Variants in PTPRO observed in about 807,000 individuals in gnomAD.
PTPRO encodes receptor-type tyrosine-protein phosphatase O.
PTPRO carries 62 observed loss-of-function variants against 145.2 expected under a neutral mutation model. The ratio of observed to expected loss-of-function variants is 0.43; its 90% CI spans 0.35 to 0.53. The LOEUF (loss-of-function observed/expected upper bound fraction) is 0.53. Ranked by LOEUF, PTPRO falls within the 20% of genes least tolerant of loss-of-function variation. The probability of loss-of-function intolerance (pLI) is 0.01; values close to 1 mark genes in which losing one functional copy is unlikely to be tolerated. For missense variants in PTPRO, 1,345 were observed against 1,482.7 expected (o/e 0.91, Z 1.53); for synonymous variants, 565 against 514.7 (o/e 1.10, Z -1.32).
At chr12:15,571,623 C>T (rs1944052328) in intron 19 of PTPRO, among the ~76,000 whole-genome samples, 1 of 152,214 alleles carries the variant, frequency 6.6e-6, no homozygotes, top group Admixed American at 6.5e-5. Flanking sequence ...CCAACAACAA[C>T]CCTTGAGCAC....
At position 15,503,894 on chromosome 12, in the gene PTPRO, T is replaced by A. The variant is rs541164942; in HGVS notation, c.1106-14T>A. 6.4e-5 allele frequency: 100 copies of A among 1,552,706 alleles called. No individual in the cohort carries two copies. The South Asian group carries it at 9.9e-4, about 15-fold the overall frequency. On this transcript the variant is annotated splice_polypyrimidine_tract_variant and intron_variant, in intron 5 of 26. Transcript: ENST00000281171. ...GTCTATTCATGTATCTTCTCTTTTTTATATATGATTTAGAGAACTTTACTG... is the reference window on the plus strand; with the variant it reads ...GTCTATTCATGTATCTTCTCTTTTTAATATATGATTTAGAGAACTTTACTG...
chr12:15,585,031 TTCAGC>T (rs1378337495), intron 23 of PTPRO, among the ~76,000 whole-genome samples: 12 of 152,224 alleles, frequency 7.9e-5, no homozygotes, highest in African/African-American at 2.9e-4. Flanking sequence ...TGCCCTGCTA[TTCAGC>T]TCACAGGGCT....
chr12:15,514,530 T>C (rs1331790537), intron 7 of PTPRO, among the ~76,000 whole-genome samples: 1 of 151,492 alleles, frequency 6.6e-6, no homozygotes, highest in African/African-American at 2.4e-5. Context: ...CAATATTATT[T>C]TAGGGGGCTA....
intron 1 of PTPRO, among the ~76,000 whole-genome samples, chr12:15,401,583 A>G (rs1410031434): frequency 6.6e-6 from 1 of 152,222 alleles, no homozygotes; most frequent in Non-Finnish European, 1.5e-5. Context: ...ACAACCAAGA[A>G]TGACAAATTT....
intron 1 of PTPRO, among the ~76,000 whole-genome samples, chr12:15,401,352 G>T (rs1403367369): frequency 6.6e-6 from 1 of 152,136 alleles, no homozygotes; most frequent in Admixed American, 6.5e-5. Flanking sequence ...TATTTTAATT[G>T]ACAGCTGTAC....
chr12:15,393,790 C>G (rs1939259678), intron 1 of PTPRO, among the ~76,000 whole-genome samples: 1 of 152,036 alleles, frequency 6.6e-6, no homozygotes, highest in South Asian at 2.1e-4. Context: ...TGACTGAATA[C>G]CTGGGACTGG....
chr12:15,463,640 C>T (rs1591834160), intron 1 of PTPRO, among the ~76,000 whole-genome samples: 1 of 152,080 alleles, frequency 6.6e-6, no homozygotes, highest in South Asian at 2.1e-4. Flanking sequence ...TACTCTTATT[C>T]CCAATTTACA....
chr12:15,397,060 C>A (rs1363593545), intron 1 of PTPRO, among the ~76,000 whole-genome samples: 1 of 151,828 alleles, frequency 6.6e-6, no homozygotes, highest in African/African-American at 2.4e-5. Flanking sequence ...ATTCTAAGAC[C>A]ATTAGATAAT....
chr12:15,335,175 A>C (rs1042039604), intron 1 of PTPRO, among the ~76,000 whole-genome samples: 1 of 152,138 alleles, frequency 6.6e-6, no homozygotes, highest in Non-Finnish European at 1.5e-5. Context: ...ATAATAATAC[A>C]TATTGACACC....
intron 9 of PTPRO, among the ~76,000 whole-genome samples, chr12:15,517,539 G>A (rs558876592): frequency 6.6e-6 from 1 of 152,270 alleles, no homozygotes; most frequent in East Asian, 1.9e-4. Flanking sequence ...ACAGTCAAAA[G>A]TTTCATCTGA....
intron 1 of PTPRO, among the ~76,000 whole-genome samples, chr12:15,455,318 C>A (rs533064187): frequency 0.021 from 3,129 of 147,532 alleles, 54 homozygotes; most frequent in Non-Finnish European, 0.032. Context: ...TTCCCCCCCA[C>A]ACACACAATA....
chr12:15,346,111 T>C (rs1867202442), intron 1 of PTPRO, among the ~76,000 whole-genome samples: 1 of 152,214 alleles, frequency 6.6e-6, no homozygotes, highest in South Asian at 2.1e-4. Context: ...TTCTTCTCTT[T>C]CTTGACTTTT....
intron 1 of PTPRO, among the ~76,000 whole-genome samples, chr12:15,368,233 C>T (rs1255582632): frequency 2.0e-5 from 3 of 152,152 alleles, no homozygotes; most frequent in African/African-American, 7.2e-5. Flanking sequence ...TGGCTCTTCC[C>T]TCTATCTGGC....
At chr12:15,514,444 T>A (rs1591672129) in intron 7 of PTPRO, among the ~76,000 whole-genome samples, 2 of 122,738 alleles carry the variant, frequency 1.6e-5, no homozygotes, top group East Asian at 2.3e-4. Flanking sequence ...AGAGTAAGAC[T>A]CTGTCTCAAA....
chr12:15,435,352 T>A (rs1349273565), intron 1 of PTPRO, among the ~76,000 whole-genome samples: 2 of 152,202 alleles, frequency 1.3e-5, no homozygotes, highest in Admixed American at 1.3e-4. Flanking sequence ...AGGAAAAGTA[T>A]AAAAATTTTT....
intron 24 of PTPRO, among the ~76,000 whole-genome samples, chr12:15,587,417 G>A (rs1360074721): frequency 6.6e-6 from 1 of 152,162 alleles, no homozygotes; most frequent in East Asian, 1.9e-4. Flanking sequence ...CTCCATCAAG[G>A]ATTCTGGGTA....
At chr12:15,349,769 G>A (rs1937732853) in intron 1 of PTPRO, among the ~76,000 whole-genome samples, 1 of 152,094 alleles carries the variant, frequency 6.6e-6, no homozygotes, top group African/African-American at 2.4e-5. Context: ...CAGGAACAGG[G>A]AATCAATATA....
chr12:15,497,550 GA>G (rs958016232), intron 3 of PTPRO, 147 bp downstream of exon 3: 5 of 926,272 alleles, frequency 5.4e-6, no homozygotes, highest in Non-Finnish European at 8.2e-6. Flanking sequence ...ATTGATTTAT[GA>G]AAATCGTGTT....
At chr12:15,581,961 G>T (rs1329673703) in intron 23 of PTPRO, among the ~76,000 whole-genome samples, 160 bp downstream of exon 23, 1 of 152,190 alleles carries the variant, frequency 6.6e-6, no homozygotes, top group Non-Finnish European at 1.5e-5. Context: ...ACAGCTTTAA[G>T]AGCTGAGAGC....
Sources: gnomAD v4.1 joint callset for allele counts (sites outside exome capture counted in the v4.1 genomes callset) on GRCh38, gnomAD v4.1.1 for gene constraint, MANE v1.5 for transcripts, NCBI Gene and HGNC (gene_info 2026-07-23, HGNC 2026-07-21) for gene names.